Variants in ACE observed in about 807,000 individuals in gnomAD.
ACE encodes angiotensin I converting enzyme, also known as angiotensin-converting enzyme.
In ACE, 122 loss-of-function variants were observed where a neutral mutation model predicts 162.3. The ratio of observed to expected loss-of-function variants is 0.75; its 90% CI spans 0.65 to 0.87. The LOEUF is 0.87. Ranked by LOEUF, ACE falls within the 40% of genes least tolerant of loss-of-function variation. The pLI is 0.00. For missense variants in ACE, 1,799 were observed against 1,735.1 expected (o/e 1.04, Z -0.65); for synonymous variants, 796 against 720.6 (o/e 1.10, Z -1.68).
intron 17 of ACE, 183 bp from the exon 18 acceptor site, chr17:63,490,771 C>A: frequency 1.5e-6 from 1 of 651,436 alleles, no homozygotes; most frequent in Non-Finnish European, 2.8e-6. Flanking sequence ...CAGTAATGAC[C>A]TACTGGGCTG....
chr17:63,481,448 G>A (rs749772684), intron 6 of ACE, 118 bp from the exon 7 acceptor site: 23 of 1,167,912 alleles, frequency 2.0e-5, no homozygotes, highest in Non-Finnish European at 2.7e-5. Context: ...GGGAATGGTG[G>A]CCACAGAGCA....
intron 15 of ACE, among the ~76,000 whole-genome samples, chr17:63,487,329 CT>C (rs2030024122): frequency 6.6e-6 from 1 of 152,154 alleles, no homozygotes; most frequent in African/African-American, 2.4e-5. Flanking sequence ...CTCTCCTGTC[CT>C]CTCTGCATGC....
Position 63,481,642 on chromosome 17 carries a change from A to C in ACE, c.1022A>C (p.Glu341Ala). The change falls in exon 7 of 25, where the codon GAG becomes GCG. Residue 341 changes from glutamate to alanine, a missense_variant. Physicochemically the swap from Glu to Ala is moderately radical, Grantham distance 107. Transcript: ENST00000290866. ...CTGGAGCTCTCCCCCATGCCTCCCG[A>C]GTTCTGGGAAGGGTCGATGCTGGAG... Reference protein sequence around the residue: ...TSLELSPMPPEFWEGSMLEKP... With the variant: ...TSLELSPMPPAFWEGSMLEKP... The C allele has an allele frequency of 1.1e-5, 18 of 1,613,928 alleles. No individual in the cohort carries two copies. The highest frequency in any genetic ancestry group is 1.5e-5 in the Non-Finnish European group (18 of 1,179,976).
intron 17 of ACE, among the ~76,000 whole-genome samples, chr17:63,489,498 C>T (rs1011483124): frequency 2.0e-5 from 3 of 152,034 alleles, no homozygotes; most frequent in African/African-American, 4.8e-5. Flanking sequence ...AGCAGGGCCT[C>T]GGAAGATGAC....
In ACE at chr17:63,483,058, G is replaced by A; in HGVS notation, c.1372G>A (p.Ala458Thr). ...ESDINYLLKM[A>T]LEKIAFLPFG... Reference sequence around the variant, plus strand: ...TGACATCAATTACTTGCTAAAAATGGCACTGGAAAAAATTGCCTTCCTGCC... The same window carrying A: ...TGACATCAATTACTTGCTAAAAATGACACTGGAAAAAATTGCCTTCCTGCC... The change falls in exon 9 of 25, where the codon GCA (alanine) becomes ACA (threonine). Residue 458 changes from alanine to threonine, a missense_variant. By Grantham distance (58) the Ala-to-Thr change is moderately conservative. Transcript: ENST00000290866. 1 of 1,614,110 alleles carries A rather than the reference G, an allele frequency of 6.2e-7. No homozygotes were observed. Among genetic ancestry groups the A allele is most frequent in the Non-Finnish European group, 8.5e-7 (1 of 1,180,018 alleles).
intron 15 of ACE, among the ~76,000 whole-genome samples, chr17:63,488,184 C>G (rs563850199): frequency 6.6e-6 from 1 of 151,938 alleles, no homozygotes; most frequent in East Asian, 1.9e-4. Context: ...AGCAAGACCC[C>G]GTCTCTACAA....
At chr17:63,483,285 C>G (rs1028380641) in intron 9 of ACE, 112 bp downstream of exon 9, 3 of 1,565,002 alleles carry the variant, frequency 1.9e-6, no homozygotes, top group Middle Eastern at 1.9e-4. Flanking sequence ...AATGATGTCC[C>G]CCGCTGTGAC....
At position 63,491,828 on chromosome 17, in the gene ACE, G is replaced by A. The variant is rs2030405824; in HGVS notation, c.2912+447G>A. ...GAGGATGGCGTTTTAGTTACCTATT[G>A]CTGTGCAACCAAGCACCCCAGAGCT... On this transcript the variant is annotated intron_variant, in intron 19 of 24. Transcript: ENST00000290866. This position sits in a 1 kb window ranked among gnomAD's most constrained non-coding sequence, Gnocchi z 4.4. Among the ~76,000 whole-genome samples the A allele has an allele frequency of 6.6e-6, 1 of 152,324 alleles. No individual in the cohort carries two copies. The highest frequency in any genetic ancestry group is 1.9e-4 in the East Asian group (1 of 5,186).
chr17:63,483,568 C>CCCA lies in ACE; in HGVS notation c.1586+12_1586+13insACC. ...TGACACCATACATCAGGTATTAGCG[C>CCCA]CCCCACCCCACCCACCCCCAGTACT... On this transcript the variant is annotated intron_variant, in intron 10 of 24. Transcript: ENST00000290866. 1.3e-6 allele frequency: 2 copies of CCCA among 1,585,842 alleles called. No homozygotes were observed. Among genetic ancestry groups the CCCA allele is most frequent in the Non-Finnish European group, 8.6e-7 (1 of 1,159,948 alleles).
rs1269279770 is a variant in ACE, at chr17:63,494,420, C to T, written c.3330C>T (p.Asp1110=). 7 of 1,614,072 alleles carry T rather than the reference C, an allele frequency of 4.3e-6. No individual in the cohort carries two copies. The highest frequency in any genetic ancestry group is 5.9e-6 in the Non-Finnish European group (7 of 1,180,038). Residue 1110 remains aspartate (D), a synonymous_variant, in exon 22 of 25, where the codon GAC becomes GAT. Transcript: ENST00000290866. Reference sequence around the variant, plus strand: ...CCCCAGTGCCCAGGACTCAAGGTGACTTTGACCCAGGGGCCAAGTTCCACA... The same window carrying T: ...CCCCAGTGCCCAGGACTCAAGGTGATTTTGACCCAGGGGCCAAGTTCCACA... ...LCPPVPRTQG[D]FDPGAKFHIP...
At chr17:63,493,370 TC>T (rs1451357681) in intron 19 of ACE, 65 bp from the exon 20 acceptor site, 7 of 1,480,008 alleles carry the variant, frequency 4.7e-6, no homozygotes, top group African/African-American at 1.4e-5. Flanking sequence ...GGCCCACTGT[TC>T]CCTTATGCCC....
Position 63,486,976 on chromosome 17 carries a change from C to T in ACE, c.2218-10C>T, listed in dbSNP as rs1405970366. ...GGAGTACAGCTCATTGCCTCTCCTT[C>T]CTCCTGCAGTACAACAAGATCCTGT... is the stretch of plus-strand genomic sequence containing the variant. On this transcript the variant is annotated splice_polypyrimidine_tract_variant and intron_variant, in intron 14 of 24. Transcript: ENST00000290866. 2 of 1,611,292 alleles carry T rather than the reference C, an allele frequency of 1.2e-6. No homozygotes were observed. Among genetic ancestry groups the T allele is most frequent in the Admixed American group, 1.7e-5 (1 of 60,022 alleles).
chr17:63,496,650 AG>A, intron 23 of ACE, 134 bp downstream of exon 23: 1 of 1,580,380 alleles, frequency 6.3e-7, no homozygotes, highest in South Asian at 1.1e-5. Context: ...AGCGTGGGCC[AG>A]GCCTGATTGC....
intron 5 of ACE, 148 bp downstream of exon 5, chr17:63,480,676 A>G (rs1418138529): frequency 8.6e-6 from 8 of 931,718 alleles, no homozygotes; most frequent in African/African-American, 1.6e-5. Flanking sequence ...CACATGCAGG[A>G]GACCATTCGT....
chr17:63,484,553 A>C lies in ACE; in HGVS notation c.1921+12A>C, dbSNP rs1175290508. 6.2e-7 allele frequency: 1 copy of C among 1,607,220 alleles called. No homozygotes were observed. Among genetic ancestry groups the C allele is most frequent in the African/African-American group, 1.3e-5 (1 of 74,900 alleles). ...CCCGGAGGGCATAGGTAAAGCCCTGAGTGAGGATGGTGTGGGGCTAAGGTG... is the reference window on the plus strand; with the variant it reads ...CCCGGAGGGCATAGGTAAAGCCCTGCGTGAGGATGGTGTGGGGCTAAGGTG... On this transcript the variant is annotated intron_variant, in intron 12 of 24. Coordinates refer to ENST00000290866, the MANE Select transcript of ACE (RefSeq NM_000789.4). This position sits in a 1 kb window ranked among gnomAD's most constrained non-coding sequence, Gnocchi z 4.0.
At chr17:63,495,255 G>C (rs938297819) in intron 22 of ACE, among the ~76,000 whole-genome samples, 1 of 152,210 alleles carries the variant, frequency 6.6e-6, no homozygotes, top group Non-Finnish European at 1.5e-5. Flanking sequence ...GAGAGCACTT[G>C]CTGAGGGCTA....
Position 63,483,131 on chromosome 17 carries a change from G to GT in ACE, c.1446dup (p.Thr483TyrfsTer32). The GT allele has an allele frequency of 6.2e-7, 1 of 1,614,010 alleles. No individual in the cohort carries two copies. Among genetic ancestry groups the GT allele is most frequent in the Non-Finnish European group, 8.5e-7 (1 of 1,179,992 alleles). On this transcript the variant is annotated frameshift_variant, in exon 9 of 25. Coordinates refer to ENST00000290866, the MANE Select transcript of ACE (RefSeq NM_000789.4). LOFTEE classifies it high-confidence loss of function. Reference sequence around the variant, plus strand: ...TGGCGCTGGGGGGTCTTTAGTGGGCGTACCCCCCCTTCCCGCTACAACTTC... The same window carrying GT: ...TGGCGCTGGGGGGTCTTTAGTGGGCGTTACCCCCCCTTCCCGCTACAACTTC...
Position 63,496,417 on chromosome 17 carries a change from A to G in ACE, c.3404A>G (p.Gln1135Arg), listed in dbSNP as rs771232505. Residue 1135 changes from glutamine to arginine, a missense_variant, in exon 23 of 25, where the codon CAG (glutamine) becomes CGG (arginine). Physicochemically the swap from Gln to Arg is conservative, Grantham distance 43 (BLOSUM62 1). Coordinates refer to ENST00000290866, the MANE Select transcript of ACE (RefSeq NM_000789.4). Reference sequence around the variant, plus strand: ...AGGTACTTTGTCAGCTTCATCATCCAGTTCCAGTTCCACGAGGCACTGTGC... The same window carrying G: ...AGGTACTTTGTCAGCTTCATCATCCGGTTCCAGTTCCACGAGGCACTGTGC... ...YIRYFVSFII[Q>R]FQFHEALCQA... 1.9e-6 allele frequency: 3 copies of G among 1,613,856 alleles called. No individual in the cohort carries two copies. Among genetic ancestry groups the G allele is most frequent in the African/African-American group, 1.3e-5 (1 of 74,932 alleles).
In ACE at chr17:63,484,406, G is replaced by T. The variant is rs530248886; in HGVS notation, c.1786G>T (p.Ala596Ser). 9.3e-6 allele frequency: 15 copies of T among 1,612,042 alleles called. No individual in the cohort carries two copies. The African/African-American group carries it at 1.9e-4, about 20-fold the overall frequency. ...CATGGTCGGCTTAGATGCCCTGGAT[G>T]CCCAGCCGCTGCTCAAGTACTTCCA... ...KDMVGLDALD[A>S]QPLLKYFQPV... is the part of the protein sequence containing the mutation. The change falls in exon 12 of 25, where the codon GCC becomes TCC. Residue 596 changes from alanine (A) to serine (S), a missense_variant. Coordinates refer to ENST00000290866, the MANE Select transcript of ACE (RefSeq NM_000789.4). The surrounding 1 kb of genome is among the most constrained non-coding windows in gnomAD (Gnocchi z 4.0).
Sources: gnomAD v4.1 joint callset for allele counts (sites outside exome capture counted in the v4.1 genomes callset) on GRCh38, gnomAD v4.1.1 for gene constraint, Gnocchi (gnomAD v3.1) non-coding constraint, MANE v1.5 for transcripts, NCBI Gene and HGNC (gene_info 2026-07-23, HGNC 2026-07-21) for gene names.